Variants in NSMAF observed in about 807,000 individuals in gnomAD.
NSMAF encodes protein FAN.
Under a neutral mutation model 134.9 loss-of-function variants are expected in NSMAF, and 90 were observed. That is an observed-to-expected ratio of 0.67 (90% CI 0.56 to 0.79). The LOEUF (loss-of-function observed/expected upper bound fraction) is 0.79. Ranked by LOEUF, NSMAF falls within the 30% of genes least tolerant of loss-of-function variation. The pLI is 0.00. For missense variants in NSMAF, 1,010 were observed against 1,119.0 expected (o/e 0.90, Z 1.39); for synonymous variants, 358 against 389.6 (o/e 0.92, Z 0.96).
In NSMAF at chr8:58,595,577, G is replaced by A. The variant is rs755157144; in HGVS notation, c.1875C>T (p.His625=). ...ATTCTTACTCTTTGTGGATTTTATA[G>A]TGCTCGTGTAACTGCAGTTTGGTGA... ...NNITKLQLHE[H]YKIHKEAVTG... is the part of the protein sequence containing the mutation. Residue 625 remains histidine, a synonymous_variant, in exon 22 of 31, where the codon CAC becomes CAT. Transcript: ENST00000038176. The A allele has an allele frequency of 6.2e-7, 1 of 1,613,270 alleles. No homozygotes were observed. Among genetic ancestry groups the A allele is most frequent in the Non-Finnish European group, 8.5e-7 (1 of 1,179,210 alleles).
intron 1 of NSMAF, among the ~76,000 whole-genome samples, chr8:58,643,873 T>C (rs1278865245): frequency 6.6e-6 from 1 of 152,230 alleles, no homozygotes; most frequent in East Asian, 1.9e-4. Context: ...GCCCATGCTG[T>C]CTACACAATG....
intron 9 of NSMAF, among the ~76,000 whole-genome samples, chr8:58,615,985 A>C (rs1806644455): frequency 1.3e-5 from 2 of 152,210 alleles, no homozygotes; most frequent in African/African-American, 4.8e-5. Context: ...TAGATACTAC[A>C]GATGCTGCTG....
At chr8:58,635,762 T>A (rs1052177390) in intron 2 of NSMAF, among the ~76,000 whole-genome samples, 1 of 152,206 alleles carries the variant, frequency 6.6e-6, no homozygotes, top group Non-Finnish European at 1.5e-5. Context: ...GTTAGAAAGT[T>A]TTTAATTAAA....
At chr8:58,651,710 A>G (rs1012497487) in intron 1 of NSMAF, among the ~76,000 whole-genome samples, 2 of 151,902 alleles carry the variant, frequency 1.3e-5, no homozygotes, top group African/African-American at 4.9e-5. Flanking sequence ...GTTGGAAGGA[A>G]CAAACAAATA....
intron 6 of NSMAF, among the ~76,000 whole-genome samples, chr8:58,627,224 T>C (rs1303529447): frequency 6.6e-6 from 1 of 152,218 alleles, no homozygotes; most frequent in Non-Finnish European, 1.5e-5. Context: ...TTAGGTCCCG[T>C]TTATTTATTT....
chr8:58,617,365 G>T (rs1170542315), intron 9 of NSMAF, among the ~76,000 whole-genome samples: 3 of 152,150 alleles, frequency 2.0e-5, no homozygotes, highest in African/African-American at 7.2e-5. Flanking sequence ...CCATCAGAGT[G>T]AACAGGCAAC....
At chr8:58,626,682 G>A (rs1164137188) in intron 6 of NSMAF, among the ~76,000 whole-genome samples, 9 of 152,164 alleles carry the variant, frequency 5.9e-5, no homozygotes, top group Non-Finnish European at 2.9e-5. Flanking sequence ...GTGTGCATGT[G>A]TCTTGTTCAC....
intron 9 of NSMAF, among the ~76,000 whole-genome samples, chr8:58,616,966 A>G (rs955099455): frequency 2.6e-5 from 4 of 152,186 alleles, no homozygotes; most frequent in Non-Finnish European, 5.9e-5. Flanking sequence ...AATAGTATCA[A>G]ACAATCAAAT....
chr8:58,603,250 C>T lies in NSMAF; in HGVS notation c.1005G>A (p.Val335=), dbSNP rs749392423. The T allele has an allele frequency of 1.2e-6, 2 of 1,614,146 alleles. No homozygotes were observed. The highest frequency in any genetic ancestry group is 3.3e-5 in the Admixed American group (2 of 60,004). Residue 335 remains valine (V), a synonymous_variant, in exon 13 of 31, where the codon GTG becomes GTA. Transcript: ENST00000038176. ...AATAATCATGTATTATCCATGGAAACACAGGGTACTGGGAGAGGTCGTTGC... is the reference window on the plus strand; with the variant it reads ...AATAATCATGTATTATCCATGGAAATACAGGGTACTGGGAGAGGTCGTTGC... The part of the protein sequence containing the change: ...RSCNDLSQYP[V]FPWIIHDYSS...
chr8:58,652,842 AAC>A (rs988525681), intron 1 of NSMAF, among the ~76,000 whole-genome samples: 1 of 152,226 alleles, frequency 6.6e-6, no homozygotes, highest in African/African-American at 2.4e-5. Flanking sequence ...GACAGACAAA[AAC>A]AGAGGTGGTT....
At position 58,635,285 on chromosome 8, in the gene NSMAF, CAGT is replaced by C. The variant is rs1212969196; in HGVS notation, c.296+17_296+19del. ...GCTTTTTGGTTGAAGTAAAATTAAA[CAGT>C]GGTGAAAATGACATACTTTGTGAAG... is the stretch of plus-strand genomic sequence containing the variant. On this transcript the variant is annotated intron_variant, in intron 4 of 30. Coordinates refer to ENST00000038176, the MANE Select transcript of NSMAF (RefSeq NM_003580.4). 6.2e-7 allele frequency: 1 copy of C among 1,609,284 alleles called. No individual in the cohort carries two copies. Among genetic ancestry groups the C allele is most frequent in the African/African-American group, 1.3e-5 (1 of 74,680 alleles).
chr8:58,632,062 T>C (rs933363970), intron 5 of NSMAF, among the ~76,000 whole-genome samples: 1 of 152,186 alleles, frequency 6.6e-6, no homozygotes, highest in African/African-American at 2.4e-5. Context: ...CTTGTACCTG[T>C]ACTTTCCTCA....
At chr8:58,603,431 C>T (rs1235420222) in intron 12 of NSMAF, 45 bp from the exon 13 acceptor site, 5 of 1,596,466 alleles carry the variant, frequency 3.1e-6, no homozygotes, top group Admixed American at 1.7e-5. Flanking sequence ...ACTTCGCAAA[C>T]TTAGTATGCA....
At chr8:58,606,315 T>C (rs1187881477) in intron 11 of NSMAF, among the ~76,000 whole-genome samples, 1 of 152,212 alleles carries the variant, frequency 6.6e-6, no homozygotes, top group Non-Finnish European at 1.5e-5. Flanking sequence ...TCATTAATAA[T>C]AGCTTTTGTG....
chr8:58,618,200 T>C (rs1255372758), intron 9 of NSMAF, among the ~76,000 whole-genome samples: 1 of 151,956 alleles, frequency 6.6e-6, no homozygotes, highest in Non-Finnish European at 1.5e-5. Context: ...TTAGGAGAAA[T>C]ATCTAATGTA....
rs752368734 is a variant in NSMAF, at chr8:58,603,390, G to A, written c.869-4C>T. Reference sequence around the variant, plus strand: ...GTGTGCTCCGCCACATGGTGCTCTGGGGGAAGAGGACCCACGAGGTCTGCC... The same window carrying A: ...GTGTGCTCCGCCACATGGTGCTCTGAGGGAAGAGGACCCACGAGGTCTGCC... On this transcript the variant is annotated splice_region_variant and splice_polypyrimidine_tract_variant and intron_variant, in intron 12 of 30. Coordinates refer to ENST00000038176, the MANE Select transcript of NSMAF (RefSeq NM_003580.4). 1 of 1,613,084 alleles carries A rather than the reference G, an allele frequency of 6.2e-7. No homozygotes were observed.
chr8:58,616,734 G>A (rs1806662694), intron 9 of NSMAF, among the ~76,000 whole-genome samples: 1 of 152,022 alleles, frequency 6.6e-6, no homozygotes, highest in Admixed American at 6.6e-5. Context: ...TAATAAAACT[G>A]TGCAATGAGG....
At chr8:58,609,846 T>C in intron 9 of NSMAF, 113 bp from the exon 10 acceptor site, 1 of 915,116 alleles carries the variant, frequency 1.1e-6, no homozygotes, top group Admixed American at 2.8e-5. Flanking sequence ...AAACACTACA[T>C]TTAATATAAG....
In NSMAF at chr8:58,614,078, G is replaced by A. The variant is rs1308127823; in HGVS notation, c.558-4345C>T. 3.3e-5 allele frequency among the ~76,000 whole-genome samples: 5 copies of A among 152,182 alleles called. No individual in the cohort carries two copies. In the East Asian group the frequency reaches 9.6e-4, roughly 29 times the overall value. ...CTGTACCATTCAGGTTTGTGTAAGT[G>A]CACCCTATGATGTCCTCACAATGAC... On this transcript the variant is annotated intron_variant, in intron 9 of 30. Transcript: ENST00000038176.
Sources: allele counts gnomAD v4.1 joint callset (sites outside exome capture counted in the v4.1 genomes callset), GRCh38; gene constraint gnomAD v4.1.1; transcripts MANE v1.5; gene names NCBI Gene and HGNC (gene_info 2026-07-23, HGNC 2026-07-21).